The following FGF13 variants were observed in gnomAD, a reference collection of about 807,000 sequenced individuals.
FGF13 encodes the protein fibroblast growth factor 13.
Under a neutral mutation model 19.5 loss-of-function variants are expected in FGF13, and 2 were observed. The observed-to-expected ratio is 0.10, with a 90% CI of 0.04 to 0.32. The LOEUF (loss-of-function observed/expected upper bound fraction) is 0.32. Ranked by LOEUF, FGF13 falls within the 10% of genes least tolerant of loss-of-function variation. The probability of loss-of-function intolerance (pLI) is 1.00; values close to 1 mark genes in which losing one functional copy is unlikely to be tolerated. For synonymous variants in FGF13, 72 were observed against 76.9 expected, an observed-to-expected ratio of 0.94 and a Z score of 0.33; for missense variants, 113 against 192.7, an observed-to-expected ratio of 0.59 and a Z score of 2.45.
intron 1 of FGF13, among the ~76,000 whole-genome samples, chrX:139,200,745 T>C (rs1230754557): frequency 8.9e-6 from 1 of 112,586 alleles, no homozygotes; most frequent in East Asian, 2.8e-4. Flanking sequence ...GCTAGCATTT[T>C]TACTTAATCC....
chrX:138,800,724 G>A (rs749181562), intron 3 of FGF13, among the ~76,000 whole-genome samples: 11 of 111,640 alleles, frequency 9.9e-5, no homozygotes, highest in Non-Finnish European at 1.7e-4. Flanking sequence ...TCAATCGTAC[G>A]TTTGGTCTTT....
chrX:138,682,716 G>A (rs764320307), intron 3 of FGF13, among the ~76,000 whole-genome samples: 3 of 111,551 alleles, frequency 2.7e-5, no homozygotes, highest in Admixed American at 9.5e-5. Flanking sequence ...GTAATCATAG[G>A]TCAAATTAAA....
chrX:138,977,562 A>C (rs966421727), intron 1 of FGF13, among the ~76,000 whole-genome samples: 2 of 112,622 alleles, frequency 1.8e-5, no homozygotes, highest in Non-Finnish European at 3.7e-5. Flanking sequence ...CCTTTGCACC[A>C]TAAGTGTCTT....
chrX:138,639,088 C>A (rs1279547400), intron 3 of FGF13, among the ~76,000 whole-genome samples: 5 of 111,845 alleles, frequency 4.5e-5, no homozygotes, highest in Non-Finnish European at 9.4e-5. Context: ...GCAGAAGAGG[C>A]TTGATTTTTA....
intron 3 of FGF13, among the ~76,000 whole-genome samples, chrX:138,808,130 G>C (rs2090887707): frequency 9.0e-6 from 1 of 111,691 alleles, no homozygotes; most frequent in African/African-American, 3.3e-5. Flanking sequence ...CAAATCAACA[G>C]AATATACATT....
At chrX:139,093,067 AAAG>A (rs1251068897) in intron 1 of FGF13, among the ~76,000 whole-genome samples, 16 of 112,293 alleles carry the variant, frequency 1.4e-4, no homozygotes, top group African/African-American at 4.8e-4. Context: ...AAAGAATAAT[AAAG>A]AAGGAGGCAT....
rs1602627243 is a variant in FGF13, at chrX:138,617,999, T to A, written c.*14851A>T. The A allele has an allele frequency of 9.0e-6, 1 of 110,967 alleles. No individual in the cohort carries two copies. The highest frequency in any genetic ancestry group is 1.9e-5 in the Non-Finnish European group (1 of 52,951). 9.1% of individuals were successfully genotyped at this position (110,967 alleles called of 1,213,427 possible). A position where few individuals can be genotyped will look rare whatever the true frequency, so the allele number is the denominator to read the frequency against. ...AAATTATTTTGTAAAACTCAACAAT[T>A]CCAAAATAAACTTTATTCAAGGAAA... On this transcript the variant is annotated 3_prime_UTR_variant, in exon 5 of 5. Coordinates refer to ENST00000315930, the MANE Select transcript of FGF13 (RefSeq NM_004114.5).
At chrX:138,917,309 A>G (rs1000577409) in intron 1 of FGF13, among the ~76,000 whole-genome samples, 7 of 111,482 alleles carry the variant, frequency 6.3e-5, no homozygotes, top group Non-Finnish European at 1.1e-4. Context: ...AAAAGCCCCT[A>G]TAATTACTGT....
chrX:139,052,631 T>C (rs1049292331), intron 1 of FGF13, among the ~76,000 whole-genome samples: 1 of 111,278 alleles, frequency 9.0e-6, no homozygotes. Flanking sequence ...CTGCTAAAGC[T>C]GCGCCTTGCT....
intron 1 of FGF13, among the ~76,000 whole-genome samples, chrX:139,146,311 A>G (rs1381318873): frequency 8.9e-6 from 1 of 112,450 alleles, no homozygotes; most frequent in Non-Finnish European, 1.9e-5. Context: ...TGGACAAAGG[A>G]TATGAACAGA....
At chrX:139,181,378 C>T (rs756007060) in intron 1 of FGF13, among the ~76,000 whole-genome samples, 1 of 112,830 alleles carries the variant, frequency 8.9e-6, no homozygotes, top group South Asian at 3.7e-4. Flanking sequence ...GATGTACTGT[C>T]ACTCTAGTTG....
chrX:138,878,337 T>G (rs2091403475), intron 1 of FGF13, among the ~76,000 whole-genome samples: 1 of 82,708 alleles, frequency 1.2e-5, no homozygotes, highest in African/African-American at 4.7e-5. Flanking sequence ...GAGTGTGATG[T>G]TCCCCTTCCT....
chrX:138,663,985 T>C (rs1380028683), intron 3 of FGF13, among the ~76,000 whole-genome samples: 1 of 111,804 alleles, frequency 8.9e-6, no homozygotes, highest in Non-Finnish European at 1.9e-5. Flanking sequence ...GTATCTCTGG[T>C]ATTCTTTGTC....
intron 1 of FGF13, among the ~76,000 whole-genome samples, chrX:138,969,153 G>A (rs757413618): frequency 1.6e-4 from 18 of 111,794 alleles, no homozygotes; most frequent in East Asian, 5.6e-4. Flanking sequence ...TGAAAAACTC[G>A]AAAAACAGAA....
At position 139,049,493 on chromosome X, in the gene FGF13, G is replaced by A. The variant is rs139948092; in HGVS notation, c.-113+153923C>T. Among the ~76,000 whole-genome samples the A allele has an allele frequency of 4.0e-3, 449 of 112,280 alleles. 1 individual carries two copies. Among genetic ancestry groups the A allele is most frequent in the African/African-American group, 0.014 (422 of 30,916 alleles). ...AACCTGACTCCATGGAGATAAATGA[G>A]TTAAAGGAAATCTATTTGTTCAGGA... On this transcript the variant is annotated intron_variant, in intron 1 of 2. Coordinates refer to the FGF13 transcript ENST00000421460.
intron 3 of FGF13, among the ~76,000 whole-genome samples, chrX:138,785,383 C>G (rs1014097306): frequency 8.9e-6 from 1 of 111,896 alleles, no homozygotes; most frequent in Admixed American, 9.5e-5. Flanking sequence ...CCTTTCACAA[C>G]CAAATCTCTT....
At chrX:138,674,413 G>A (rs1331700584) in intron 3 of FGF13, among the ~76,000 whole-genome samples, 1 of 111,590 alleles carries the variant, frequency 9.0e-6, no homozygotes, top group Non-Finnish European at 1.9e-5. Flanking sequence ...AATTAGCACA[G>A]ATGTGGATTG....
At position 139,162,147 on chromosome X, in the gene FGF13, T is replaced by A. The variant is rs142311477; in HGVS notation, c.-113+41269A>T. On this transcript the variant is annotated intron_variant, in intron 1 of 2. Coordinates refer to the FGF13 transcript ENST00000421460. ...GGCATCACGCTACCTGACTTCAAAC[T>A]ACACTACAAGGCTACAGTAAGCAAA... 3.8e-3 allele frequency among the ~76,000 whole-genome samples: 430 copies of A among 112,228 alleles called. 2 individuals are homozygous for A. The highest frequency in any genetic ancestry group is 0.013 in the African/African-American group (410 of 30,913).
Position 138,914,908 on chromosome X carries a change from C to G in FGF13, c.-112-50258G>C, listed in dbSNP as rs138968451. Among the ~76,000 whole-genome samples, 546 of 111,360 alleles carry G rather than the reference C, an allele frequency of 4.9e-3. 7 individuals are homozygous for G. The highest frequency in any genetic ancestry group is 0.016 in the African/African-American group (489 of 30,628). ...TGGTAACCACTTGGCACTGCCTGCTCCTGTGCACATGGACAATTCTTTATG... is the reference window on the plus strand; with the variant it reads ...TGGTAACCACTTGGCACTGCCTGCTGCTGTGCACATGGACAATTCTTTATG... On this transcript the variant is annotated intron_variant, in intron 1 of 2. Transcript: ENST00000421460.
Sources: allele counts gnomAD v4.1 joint callset (sites outside exome capture counted in the v4.1 genomes callset), GRCh38; gene constraint gnomAD v4.1.1; transcripts MANE v1.5; gene names NCBI Gene and HGNC (gene_info 2026-07-23, HGNC 2026-07-21).